Variants in CNTNAP2 observed in about 807,000 individuals in gnomAD.
The protein encoded by CNTNAP2 is contactin-associated protein-like 2.
A neutral mutation model predicts 155.2 loss-of-function variants in CNTNAP2; 98 were observed. That is an observed-to-expected ratio of 0.63 (90% CI 0.54 to 0.75). The LOEUF (loss-of-function observed/expected upper bound fraction) is 0.75. Among genes scored for constraint, CNTNAP2 ranks in the 30% least tolerant of loss-of-function variants. CNTNAP2 has a pLI of 0.00. For synonymous variants in CNTNAP2, 651 were observed against 631.2 expected, an observed-to-expected ratio of 1.03 and a Z score of -0.47; for missense variants, 1,727 against 1,688.1, an observed-to-expected ratio of 1.02 and a Z score of -0.40.
At chr7:146,881,317 G>A (rs1795546018) in intron 3 of CNTNAP2, among the ~76,000 whole-genome samples, 1 of 152,068 alleles carries the variant, frequency 6.6e-6, no homozygotes, top group Non-Finnish European at 1.5e-5. Flanking sequence ...TTATAGAATT[G>A]GATGATCTCT....
intron 1 of CNTNAP2, among the ~76,000 whole-genome samples, chr7:146,767,599 G>C (rs770514111): frequency 6.6e-6 from 1 of 152,120 alleles, no homozygotes; most frequent in Non-Finnish European, 1.5e-5. Flanking sequence ...GCTGGAGCAA[G>C]AGATACACAA....
At chr7:147,851,364 T>G (rs1035904154) in intron 13 of CNTNAP2, among the ~76,000 whole-genome samples, 1 of 152,252 alleles carries the variant, frequency 6.6e-6, no homozygotes, top group South Asian at 2.1e-4. Flanking sequence ...GACAGTGTGG[T>G]GATTCCTCAG....
At position 146,599,592 on chromosome 7, in the gene CNTNAP2, C is replaced by A. The variant is rs531367492; in HGVS notation, c.98-174679C>A. Among the ~76,000 whole-genome samples, 306 of 145,188 alleles carry A rather than the reference C, an allele frequency of 2.1e-3. 4 individuals are homozygous for A. The highest frequency in any genetic ancestry group is 8.2e-3 in the African/African-American group (292 of 35,650). On this transcript the variant is annotated intron_variant, in intron 1 of 23. Coordinates refer to ENST00000361727, the MANE Select transcript of CNTNAP2 (RefSeq NM_014141.6). ...ATCTGAACTCCCTTTTTCCCCGCCG[C>A]CCATAATTCTTCTCCTCCTTATATT... is the stretch of plus-strand genomic sequence containing the variant.
At chr7:146,959,474 C>T (rs1797509713) in intron 3 of CNTNAP2, among the ~76,000 whole-genome samples, 1 of 151,620 alleles carries the variant, frequency 6.6e-6, no homozygotes, top group South Asian at 2.1e-4. Flanking sequence ...AATCCCAGCA[C>T]TTCGGGAGGC....
chr7:147,902,355 G>A (rs767034847), intron 13 of CNTNAP2, among the ~76,000 whole-genome samples: 19 of 152,008 alleles, frequency 1.2e-4, no homozygotes, highest in South Asian at 6.2e-4. Flanking sequence ...TTGAAAACTC[G>A]TCTAAGCTTA....
chr7:146,661,082 A>C (rs753463686), intron 1 of CNTNAP2, among the ~76,000 whole-genome samples: 1 of 152,108 alleles, frequency 6.6e-6, no homozygotes, highest in Non-Finnish European at 1.5e-5. Context: ...TGAGGTTGGC[A>C]TTTTTCCAGA....
At chr7:146,688,334 T>A (rs1414213573) in intron 1 of CNTNAP2, among the ~76,000 whole-genome samples, 1 of 152,112 alleles carries the variant, frequency 6.6e-6, no homozygotes, top group Non-Finnish European at 1.5e-5. Flanking sequence ...TATCACATAC[T>A]GTTATGCGCA....
intron 10 of CNTNAP2, among the ~76,000 whole-genome samples, chr7:147,462,539 A>C (rs1208156202): frequency 1.3e-5 from 2 of 152,186 alleles, no homozygotes; most frequent in African/African-American, 4.8e-5. Context: ...AGCCCTAAAG[A>C]TATCAGTACA....
intron 1 of CNTNAP2, among the ~76,000 whole-genome samples, chr7:146,423,167 A>G (rs1382074636): frequency 6.6e-6 from 1 of 152,030 alleles, no homozygotes; most frequent in Non-Finnish European, 1.5e-5. Flanking sequence ...TTATGGTTCC[A>G]ATTTTCATTT....
chr7:146,268,193 C>T (rs1800024333), intron 1 of CNTNAP2, among the ~76,000 whole-genome samples: 1 of 152,136 alleles, frequency 6.6e-6, no homozygotes, highest in South Asian at 2.1e-4. Context: ...GAATGAATAT[C>T]CAGGAAGCTC....
intron 3 of CNTNAP2, among the ~76,000 whole-genome samples, chr7:146,927,071 A>G (rs931207852): frequency 9.9e-5 from 15 of 152,182 alleles, no homozygotes; most frequent in African/African-American, 3.6e-4. Flanking sequence ...ATAAAGAAGC[A>G]ATCTTGGCAG....
At chr7:146,502,393 G>C (rs1031501204) in intron 1 of CNTNAP2, among the ~76,000 whole-genome samples, 32 of 151,342 alleles carry the variant, frequency 2.1e-4, no homozygotes, top group African/African-American at 7.8e-4. Flanking sequence ...CTTTATTTTG[G>C]TTTTAGAACC....
At position 147,983,155 on chromosome 7, in the gene CNTNAP2, G is replaced by A. The variant is rs111514533; in HGVS notation, c.2383+5166G>A. ...CTCTCTTTCAGAAGATAATACCCAC[G>A]AGCATACATAGGCCACATACTCTGT... On this transcript the variant is annotated intron_variant, in intron 15 of 23. Coordinates refer to ENST00000361727, the MANE Select transcript of CNTNAP2 (RefSeq NM_014141.6). Among the ~76,000 whole-genome samples, 782 of 151,886 alleles carry A rather than the reference G, an allele frequency of 5.1e-3. 11 individuals are homozygous for A. The highest frequency in any genetic ancestry group is 0.018 in the African/African-American group (748 of 41,426).
chr7:147,958,138 C>A (rs1004252217), intron 14 of CNTNAP2, among the ~76,000 whole-genome samples: 1 of 152,116 alleles, frequency 6.6e-6, no homozygotes, highest in Non-Finnish European at 1.5e-5. Flanking sequence ...CTTTAACTTT[C>A]TAGAGCTTAG....
At chr7:147,822,248 AAAG>A (rs1374636027) in intron 13 of CNTNAP2, among the ~76,000 whole-genome samples, 1 of 152,162 alleles carries the variant, frequency 6.6e-6, no homozygotes, top group Non-Finnish European at 1.5e-5. Flanking sequence ...AGAAGTGAAG[AAAG>A]AAGATTTAGA....
chr7:146,263,288 AGGAAGGAAGGAC>A (rs200690014), intron 1 of CNTNAP2, among the ~76,000 whole-genome samples: 15,612 of 149,014 alleles, frequency 0.1, 2,179 homozygotes, highest in African/African-American at 0.33. Flanking sequence ...GAAGGAAGGA[AGGAAGGAAGGAC>A]GGAAGGAAGG....
Position 146,605,455 on chromosome 7 carries a change from A to G in CNTNAP2, c.98-168816A>G, listed in dbSNP as rs1276417216. ...CCTAGTACCTCAACTGTATTAATGC[A>G]CTTAGTATAGTCATGTTATGCAGAA... is the stretch of plus-strand genomic sequence containing the variant. On this transcript the variant is annotated intron_variant, in intron 1 of 23. Transcript: ENST00000361727. Among the ~76,000 whole-genome samples, 4 of 145,672 alleles carry G rather than the reference A, an allele frequency of 2.7e-5. No individual in the cohort carries two copies. In the East Asian group the frequency reaches 6.1e-4, roughly 22 times the overall value.
intron 13 of CNTNAP2, among the ~76,000 whole-genome samples, chr7:147,842,222 G>C (rs1286714519): frequency 1.3e-5 from 2 of 152,190 alleles, no homozygotes; most frequent in Non-Finnish European, 2.9e-5. Context: ...GGTCACATAG[G>C]TAGTAAGTAA....
chr7:147,857,608 G>A (rs549621673), intron 13 of CNTNAP2, among the ~76,000 whole-genome samples: 3 of 152,284 alleles, frequency 2.0e-5, no homozygotes, highest in East Asian at 1.9e-4. Flanking sequence ...CAAGAACTTG[G>A]CGTCAGAGGA....
Sources: gnomAD v4.1 joint callset for allele counts (sites outside exome capture counted in the v4.1 genomes callset) on GRCh38, gnomAD v4.1.1 for gene constraint, MANE v1.5 for transcripts, NCBI Gene and HGNC (gene_info 2026-07-23, HGNC 2026-07-21) for gene names.